The following CCDC91 variants were observed in gnomAD, a reference collection of about 807,000 sequenced individuals.
The protein encoded by CCDC91 is coiled-coil domain containing 91, also known as coiled-coil domain-containing protein 91.
CCDC91 carries 48 observed loss-of-function variants against 63.2 expected under a neutral mutation model. The observed-to-expected ratio is 0.76, with a 90% CI of 0.60 to 0.97. The LOEUF (loss-of-function observed/expected upper bound fraction) is 0.97. CCDC91 is among the 50% of genes least tolerant of loss of function. The probability of loss-of-function intolerance (pLI) is 0.00; values close to 1 mark genes in which losing one functional copy is unlikely to be tolerated. For synonymous variants in CCDC91, 167 were observed against 165.8 expected (o/e 1.01, Z -0.06); for missense variants, 500 against 494.6 (o/e 1.01, Z -0.10).
chr12:28,359,431 T>C (rs1198384104), intron 6 of CCDC91, among the ~76,000 whole-genome samples: 2 of 152,200 alleles, frequency 1.3e-5, no homozygotes, highest in African/African-American at 4.8e-5. Flanking sequence ...TTTTTAAAGA[T>C]TGTCGAATTT....
chr12:28,379,912 A>G (rs1429662987), intron 7 of CCDC91, among the ~76,000 whole-genome samples: 1 of 151,432 alleles, frequency 6.6e-6, no homozygotes, highest in African/African-American at 2.4e-5. Flanking sequence ...CCCAAATGTC[A>G]GTGATTTAGT....
At chr12:28,416,037 T>A (rs1947637926) in intron 8 of CCDC91, among the ~76,000 whole-genome samples, 1 of 152,038 alleles carries the variant, frequency 6.6e-6, no homozygotes, top group Admixed American at 6.6e-5. Flanking sequence ...GAATGGCTCT[T>A]AGCGTTTTTT....
chr12:28,474,658 T>C (rs754266603), intron 11 of CCDC91, among the ~76,000 whole-genome samples: 3 of 152,048 alleles, frequency 2.0e-5, no homozygotes, highest in Non-Finnish European at 4.4e-5. Flanking sequence ...GATTTTGCAG[T>C]GTTTCTAAGA....
At chr12:28,371,930 C>T (rs970940690) in intron 7 of CCDC91, among the ~76,000 whole-genome samples, 2 of 151,998 alleles carry the variant, frequency 1.3e-5, no homozygotes, top group African/African-American at 4.8e-5. Flanking sequence ...TGAAGAACTT[C>T]CTTTAGTATT....
At chr12:28,280,088 A>G (rs780427615) in intron 3 of CCDC91, among the ~76,000 whole-genome samples, 1 of 152,160 alleles carries the variant, frequency 6.6e-6, no homozygotes, top group Non-Finnish European at 1.5e-5. Flanking sequence ...GCACTCTGAT[A>G]TGAGCAGAGT....
At chr12:28,226,019 G>A (rs1363958469) in intron 1 of CCDC91, 1 of 152,226 alleles carries the variant, frequency 6.6e-6, no homozygotes, top group Non-Finnish European at 1.5e-5. Context: ...AATTTCTGAA[G>A]CTCTGACTTG....
In CCDC91 at chr12:28,244,578, C is replaced by A. The variant is rs1945588511; in HGVS notation, c.-14-12624C>A. Among the ~76,000 whole-genome samples the A allele has an allele frequency of 2.4e-5, 3 of 122,550 alleles. No individual in the cohort carries two copies. The South Asian group carries it at 8.4e-4, about 34-fold the overall frequency. The allele number at this position is 122,550 out of a possible 152,430, so 80.4% of individuals were successfully genotyped here. The stretch of plus-strand genomic sequence containing the variant: ...GTTGGGATGATGTGAACGTTGAACA[C>A]TGGAGGTGACTTGCTGGCTAGGGGC... On this transcript the variant is annotated intron_variant, in intron 1 of 12. Transcript: ENST00000536442.
chr12:28,291,072 A>G (rs1427017251), intron 3 of CCDC91, among the ~76,000 whole-genome samples: 1 of 152,210 alleles, frequency 6.6e-6, no homozygotes, highest in African/African-American at 2.4e-5. Flanking sequence ...AATCATTATA[A>G]CTAGGCTTGA....
Position 28,491,421 on chromosome 12 carries a change from T to G in CCDC91, c.1215+7256T>G, listed in dbSNP as rs145568493. On this transcript the variant is annotated intron_variant, in intron 12 of 12. Transcript: ENST00000536442. ...GTATAAGAACATACTCCTTAACGAA[T>G]TAAGTGAGGTCAAAATAATAGCTTC... Among the ~76,000 whole-genome samples, 277 of 151,792 alleles carry G rather than the reference T, an allele frequency of 1.8e-3. 2 individuals carry two copies. Among genetic ancestry groups the G allele is most frequent in the African/African-American group, 6.2e-3 (257 of 41,478 alleles).
rs559005319 is a variant in CCDC91, at chr12:28,392,710, C to T, written c.762+1299C>T. Among the ~76,000 whole-genome samples the T allele has an allele frequency of 3.9e-5, 6 of 152,268 alleles. No individual in the cohort carries two copies. In the East Asian group the frequency reaches 9.6e-4, roughly 24 times the overall value. On this transcript the variant is annotated intron_variant, in intron 8 of 12. Coordinates refer to ENST00000536442, the MANE Select transcript of CCDC91 (RefSeq NM_018318.5). ...AGTCTCTATCTCACAGGCAAATTAA[C>T]CTATCTTGTCCTCCTGGGAGAAAAT...
At chr12:28,480,211 C>T (rs1265573647) in intron 11 of CCDC91, among the ~76,000 whole-genome samples, 1 of 151,986 alleles carries the variant, frequency 6.6e-6, no homozygotes. Context: ...ACACAGATCC[C>T]TCAGTCTTCA....
intron 3 of CCDC91, among the ~76,000 whole-genome samples, chr12:28,278,702 C>T (rs570870661): frequency 6.6e-6 from 1 of 152,106 alleles, no homozygotes; most frequent in African/African-American, 2.4e-5. Context: ...TAAACACATC[C>T]TGTGGTTTCA....
chr12:28,366,389 C>T (rs1944274474), intron 7 of CCDC91, among the ~76,000 whole-genome samples: 1 of 152,172 alleles, frequency 6.6e-6, no homozygotes, highest in South Asian at 2.1e-4. Flanking sequence ...CTTTCTCTAA[C>T]CAAAAGCCTC....
intron 11 of CCDC91, among the ~76,000 whole-genome samples, chr12:28,461,256 G>A (rs576869579): frequency 1.8e-4 from 27 of 152,172 alleles, no homozygotes; most frequent in Middle Eastern, 3.4e-3. Flanking sequence ...CTAGCAAAAT[G>A]TGCATCGTTT....
intron 4 of CCDC91, among the ~76,000 whole-genome samples, chr12:28,306,033 T>C (rs1351399518): frequency 6.6e-6 from 1 of 152,118 alleles, no homozygotes; most frequent in Non-Finnish European, 1.5e-5. Flanking sequence ...TACCAAAGTA[T>C]GATTTGAGTA....
At chr12:28,362,144 C>G (rs1592427343) in intron 6 of CCDC91, among the ~76,000 whole-genome samples, 1 of 152,000 alleles carries the variant, frequency 6.6e-6, no homozygotes, top group East Asian at 1.9e-4. Flanking sequence ...TGATCCATGT[C>G]AAGAATTGGC....
intron 11 of CCDC91, among the ~76,000 whole-genome samples, chr12:28,457,136 A>C (rs760382990): frequency 5.9e-5 from 9 of 152,010 alleles, no homozygotes; most frequent in Non-Finnish European, 1.3e-4. Context: ...CTTTCTAGGA[A>C]GCTCAGGTCA....
In CCDC91 at chr12:28,391,294, T is replaced by A. The variant is rs937284788; in HGVS notation, c.655-10T>A. 31 of 1,579,870 alleles carry A rather than the reference T, an allele frequency of 2.0e-5. No homozygotes were observed. The highest frequency in any genetic ancestry group is 2.7e-5 in the Non-Finnish European group (31 of 1,152,556). On this transcript the variant is annotated splice_polypyrimidine_tract_variant and intron_variant, in intron 7 of 12. Transcript: ENST00000536442. Reference sequence around the variant, plus strand: ...TCTGTGATCCAAATGACTTTTTTGCTTGTTTTCAGGCACTACTGCAGTCTT... The same window carrying A: ...TCTGTGATCCAAATGACTTTTTTGCATGTTTTCAGGCACTACTGCAGTCTT...
chr12:28,220,911 T>A (rs1270727716), intron 1 of CCDC91, among the ~76,000 whole-genome samples: 1 of 152,116 alleles, frequency 6.6e-6, no homozygotes, highest in Admixed American at 6.5e-5. Context: ...TGCGCATTAG[T>A]ATGATTTCTT....
Sources: gnomAD v4.1 joint callset for allele counts (sites outside exome capture counted in the v4.1 genomes callset) on GRCh38, gnomAD v4.1.1 for gene constraint, MANE v1.5 for transcripts, NCBI Gene and HGNC (gene_info 2026-07-23, HGNC 2026-07-21) for gene names.